The following NCAM2 variants were observed in gnomAD, a reference collection of about 807,000 sequenced individuals.
NCAM2 encodes the protein neural cell adhesion molecule 2.
In NCAM2, 30 loss-of-function variants were observed where a neutral mutation model predicts 98.1. The observed-to-expected ratio is 0.31, with a 90% confidence interval of 0.23 to 0.41. NCAM2 has a LOEUF of 0.41. NCAM2 is among the 10% of genes least tolerant of loss of function. The pLI, the probability that NCAM2 is intolerant of heterozygous loss-of-function variation, is 1.00. For synonymous variants in NCAM2, 368 were observed against 342.4 expected, an observed-to-expected ratio of 1.07 and a Z score of -0.83; for missense variants, 867 against 1,005.8, an observed-to-expected ratio of 0.86 and a Z score of 1.87.
At chr21:21,275,267 C>T (rs1223702521) in intron 1 of NCAM2, among the ~76,000 whole-genome samples, 1 of 151,434 alleles carries the variant, frequency 6.6e-6, no homozygotes, top group East Asian at 1.9e-4. Context: ...GGTGAAACCC[C>T]ATCTCTACTA....
chr21:20,999,351 T>TAAAA (rs558563179), intron 1 of NCAM2, among the ~76,000 whole-genome samples: 1 of 141,630 alleles, frequency 7.1e-6, no homozygotes, highest in African/African-American at 3.0e-5. Flanking sequence ...CTTTTATCTC[T>TAAAA]TAAAAAAAAA....
At chr21:21,443,077 C>G (rs28515481) in intron 12 of NCAM2, among the ~76,000 whole-genome samples, 1 of 152,038 alleles carries the variant, frequency 6.6e-6, no homozygotes, top group Admixed American at 6.6e-5. Context: ...TGTTGTGTCT[C>G]TGTTCTCAAT....
chr21:21,215,325 G>C (rs975557614), intron 1 of NCAM2, among the ~76,000 whole-genome samples: 19 of 152,148 alleles, frequency 1.2e-4, no homozygotes, highest in African/African-American at 4.3e-4. Flanking sequence ...TGTTAGAGCA[G>C]CAACATTGTT....
intron 1 of NCAM2, among the ~76,000 whole-genome samples, chr21:21,002,160 A>G (rs549606914): frequency 9.1e-4 from 138 of 152,276 alleles, no homozygotes; most frequent in African/African-American, 3.2e-3. Flanking sequence ...TTATTGTCAG[A>G]GTAACCCAGA....
At chr21:21,427,782 CA>C (rs1384699153) in intron 11 of NCAM2, among the ~76,000 whole-genome samples, 2 of 152,150 alleles carry the variant, frequency 1.3e-5, no homozygotes, top group African/African-American at 4.8e-5. Context: ...ATATTGTATC[CA>C]TTACCTGCCA....
At chr21:21,324,319 T>C in intron 5 of NCAM2, 64 bp from the exon 6 acceptor site, 1 of 1,164,814 alleles carries the variant, frequency 8.6e-7, no homozygotes, top group South Asian at 1.6e-5. Flanking sequence ...TAGCAAAAAT[T>C]CTCTAAATGA....
chr21:21,187,702 C>A (rs1183634204), intron 1 of NCAM2, among the ~76,000 whole-genome samples: 1 of 152,148 alleles, frequency 6.6e-6, no homozygotes, highest in African/African-American at 2.4e-5. Flanking sequence ...GTTATTAAAA[C>A]TTTATTTCTT....
chr21:21,202,784 G>A (rs775424608), intron 1 of NCAM2, among the ~76,000 whole-genome samples: 2 of 151,902 alleles, frequency 1.3e-5, no homozygotes, highest in South Asian at 2.1e-4. Context: ...AAATAAATTA[G>A]GTTAAGTTCT....
chr21:21,171,441 A>G (rs2068120801), intron 1 of NCAM2, among the ~76,000 whole-genome samples: 1 of 152,158 alleles, frequency 6.6e-6, no homozygotes, highest in Non-Finnish European at 1.5e-5. Context: ...ATATTGAGAA[A>G]ACTGTGAGGT....
intron 5 of NCAM2, among the ~76,000 whole-genome samples, chr21:21,304,749 T>G (rs866107267): frequency 4.6e-5 from 7 of 152,290 alleles, no homozygotes; most frequent in Middle Eastern, 3.4e-3. Flanking sequence ...TTATTGATCC[T>G]TCTGTTCCAG....
chr21:21,227,459 A>G (rs1330325136), intron 1 of NCAM2, among the ~76,000 whole-genome samples: 1 of 151,852 alleles, frequency 6.6e-6, no homozygotes, highest in Admixed American at 6.6e-5. Context: ...AAGGATCTAA[A>G]TAATAACAAG....
intron 1 of NCAM2, among the ~76,000 whole-genome samples, chr21:21,231,074 G>T (rs1441234937): frequency 6.6e-6 from 1 of 151,328 alleles, no homozygotes; most frequent in African/African-American, 2.4e-5. Flanking sequence ...CTGGCAAGAT[G>T]AGTGATTGAG....
At chr21:21,451,599 C>G (rs1981079498) in intron 12 of NCAM2, among the ~76,000 whole-genome samples, 1 of 152,098 alleles carries the variant, frequency 6.6e-6, no homozygotes. Context: ...TTCTCCCACC[C>G]TTTAAATTAA....
At chr21:21,241,057 CTATA>C (rs575317945) in intron 1 of NCAM2, among the ~76,000 whole-genome samples, 51 of 152,132 alleles carry the variant, frequency 3.4e-4, no homozygotes, top group Admixed American at 8.5e-4. Flanking sequence ...TGGAAGCAAA[CTATA>C]TATGGCATCT....
intron 1 of NCAM2, among the ~76,000 whole-genome samples, chr21:21,120,843 C>T (rs565625319): frequency 5.9e-5 from 9 of 151,738 alleles, no homozygotes; most frequent in Non-Finnish European, 8.8e-5. Context: ...CTCAGCCTCC[C>T]GAGTAGCTGG....
chr21:21,158,963 TAGG>T (rs2067696959), intron 1 of NCAM2, among the ~76,000 whole-genome samples: 1 of 152,128 alleles, frequency 6.6e-6, no homozygotes, highest in African/African-American at 2.4e-5. Context: ...CTTGTTATCA[TAGG>T]AGAGGATAGC....
At chr21:21,038,142 G>A (rs2064834607) in intron 1 of NCAM2, among the ~76,000 whole-genome samples, 1 of 151,496 alleles carries the variant, frequency 6.6e-6, no homozygotes, top group African/African-American at 2.4e-5. Context: ...TGCTGCTACT[G>A]TTAACTTACC....
intron 1 of NCAM2, among the ~76,000 whole-genome samples, chr21:21,086,160 C>T (rs1014647213): frequency 6.6e-6 from 1 of 152,132 alleles, no homozygotes; most frequent in Non-Finnish European, 1.5e-5. Context: ...CACACATTTC[C>T]TGTAAAAGAG....
At chr21:21,417,476 A>G (rs991829794) in intron 10 of NCAM2, among the ~76,000 whole-genome samples, 1 of 152,042 alleles carries the variant, frequency 6.6e-6, no homozygotes, top group African/African-American at 2.4e-5. Context: ...ACTCTTAGTT[A>G]ATAGCCTCCC....
Sources: allele counts gnomAD v4.1 joint callset (sites outside exome capture counted in the v4.1 genomes callset), GRCh38; gene constraint gnomAD v4.1.1; transcripts MANE v1.5; gene names NCBI Gene and HGNC (gene_info 2026-07-23, HGNC 2026-07-21).